Variants in PRRC2C observed in about 807,000 individuals in gnomAD.
The protein encoded by PRRC2C is proline rich coiled-coil 2C, also known as protein PRRC2C.
A neutral mutation model predicts 317.2 loss-of-function variants in PRRC2C; 72 were observed. That is an observed-to-expected ratio of 0.23 (90% CI 0.19 to 0.28). The LOEUF is 0.28. Among genes scored for constraint, PRRC2C ranks in the 10% least tolerant of loss-of-function variants. The probability of loss-of-function intolerance (pLI) is 1.00; values close to 1 mark genes in which losing one functional copy is unlikely to be tolerated. For synonymous variants in PRRC2C, 1,296 were observed against 1,205.9 expected, an observed-to-expected ratio of 1.07 and a Z score of -1.55; for missense variants, 3,074 against 3,459.7, an observed-to-expected ratio of 0.89 and a Z score of 2.80.
At chr1:171,552,849 G>T (rs746868419) in intron 18 of PRRC2C, among the ~76,000 whole-genome samples, 1 of 152,148 alleles carries the variant, frequency 6.6e-6, no homozygotes, top group African/African-American at 2.4e-5. Flanking sequence ...CTGATGTGCT[G>T]CTGGATTTGG....
At position 171,592,831 on chromosome 1, in the gene PRRC2C, C is replaced by T. The variant is rs1166355600; in HGVS notation, c.*984C>T. ...TCTTTACAGAGCTGTGTCATGCCAT[C>T]CTTTGGGCCCTCTGCTGGAAAAGTA... is the stretch of plus-strand genomic sequence containing the variant. On this transcript the variant is annotated 3_prime_UTR_variant, in exon 35 of 35. Transcript: ENST00000647382. 1.3e-5 allele frequency: 2 copies of T among 152,076 alleles called. No individual in the cohort carries two copies. The highest frequency in any genetic ancestry group is 4.1e-4 in the South Asian group (2 of 4,830). The allele number at this position is 152,076 out of a possible 1,614,324, so 9.4% of individuals were successfully genotyped here. A position where few individuals can be genotyped will look rare whatever the true frequency, so the allele number is the denominator to read the frequency against.
intron 6 of PRRC2C, among the ~76,000 whole-genome samples, chr1:171,521,766 T>C (rs1013190271): frequency 5.9e-5 from 9 of 152,250 alleles, no homozygotes; most frequent in Admixed American, 3.3e-4. Flanking sequence ...TGCCGTTTGC[T>C]AGGGTGCATG....
intron 30 of PRRC2C, 57 bp downstream of exon 30, chr1:171,584,583 T>C: frequency 6.7e-7 from 1 of 1,489,684 alleles, no homozygotes; most frequent in Non-Finnish European, 9.0e-7. Flanking sequence ...TTTATTGCTT[T>C]TGTTATTGTT....
chr1:171,591,082 G>A, intron 34 of PRRC2C: 3 of 692,102 alleles, frequency 4.3e-6, no homozygotes, highest in Non-Finnish European at 5.3e-6. Context: ...TCAGAATGTG[G>A]TAGGAGCTAT....
chr1:171,514,862 G>A (rs541725996), intron 4 of PRRC2C, among the ~76,000 whole-genome samples: 11 of 152,332 alleles, frequency 7.2e-5, no homozygotes, highest in African/African-American at 2.6e-4. Flanking sequence ...AAGGAAAGGA[G>A]TCTTTAAGAT....
intron 19 of PRRC2C, among the ~76,000 whole-genome samples, chr1:171,558,378 T>TTG (rs1553235973): frequency 6.6e-6 from 1 of 150,726 alleles, no homozygotes; most frequent in African/African-American, 2.5e-5. Flanking sequence ...AGGCAATGTT[T>TTG]GGGGGGGTCT....
chr1:171,579,400 C>T lies in PRRC2C; in HGVS notation c.7206C>T (p.Thr2402=). 1 of 1,613,942 alleles carries T rather than the reference C, an allele frequency of 6.2e-7. No individual in the cohort carries two copies. The highest frequency in any genetic ancestry group is 8.5e-7 in the Non-Finnish European group (1 of 1,179,866). ...FYMDTSHLFN[T]QHARLAPPSL... is the part of the protein sequence containing the mutation. ...TGGACACAAGTCATTTATTCAATAC[C>T]CAACATGCACGATTGGCTCCGCCAT... Residue 2402 remains threonine, a synonymous_variant, in exon 27 of 35, where the codon ACC becomes ACT. Coordinates refer to ENST00000647382, the MANE Select transcript of PRRC2C (RefSeq NM_001387844.1).
At chr1:171,491,935 G>A (rs1202125007) in intron 1 of PRRC2C, among the ~76,000 whole-genome samples, 2 of 152,062 alleles carry the variant, frequency 1.3e-5, no homozygotes. Flanking sequence ...TATAATTAAA[G>A]CTATATAAAT....
At chr1:171,515,966 G>A (rs1403573007) in intron 5 of PRRC2C, 107 bp downstream of exon 5, 3 of 1,267,864 alleles carry the variant, frequency 2.4e-6, no homozygotes, top group East Asian at 5.0e-5. Context: ...CTTCGAAAAG[G>A]CAGACTTTGT....
intron 18 of PRRC2C, among the ~76,000 whole-genome samples, chr1:171,553,889 A>C (rs967249517): frequency 6.6e-6 from 1 of 152,154 alleles, no homozygotes; most frequent in Admixed American, 6.5e-5. Context: ...ACTTCCAACT[A>C]TTTGGTCAGT....
intron 1 of PRRC2C, among the ~76,000 whole-genome samples, chr1:171,499,887 A>G (rs559842266): frequency 1.3e-5 from 2 of 152,350 alleles, no homozygotes; most frequent in Admixed American, 1.3e-4. Flanking sequence ...ATGGAAACCA[A>G]AGAAAATGGT....
At chr1:171,560,895 G>A (rs1682555843) in intron 19 of PRRC2C, 123 bp from the exon 20 acceptor site, 9 of 799,772 alleles carry the variant, frequency 1.1e-5, no homozygotes, top group Non-Finnish European at 2.0e-5. Flanking sequence ...GATTTGAAAA[G>A]TGATTGTTTT....
intron 12 of PRRC2C, among the ~76,000 whole-genome samples, chr1:171,534,110 C>T (rs905088768): frequency 6.6e-6 from 1 of 152,040 alleles, no homozygotes; most frequent in Admixed American, 6.6e-5. Context: ...TGCAGGGTTA[C>T]CTTCAAACTT....
chr1:171,576,194 C>T (rs1179719860), intron 25 of PRRC2C, among the ~76,000 whole-genome samples: 1 of 152,166 alleles, frequency 6.6e-6, no homozygotes, highest in Non-Finnish European at 1.5e-5. Flanking sequence ...CCCCAGTCCA[C>T]TTTGGGATGG....
rs554700023 is a variant in PRRC2C at position 171,543,952 on chromosome 1, G to A, written c.4764-1527G>A. ...TGGCTTTTATAACAGACCCGTTCATGGTAACTAACCAACTCCCTTGATAAC... is the reference window on the plus strand; with the variant it reads ...TGGCTTTTATAACAGACCCGTTCATAGTAACTAACCAACTCCCTTGATAAC... On this transcript the variant is annotated intron_variant, in intron 16 of 34. Coordinates refer to ENST00000647382, the MANE Select transcript of PRRC2C (RefSeq NM_001387844.1). Among the ~76,000 whole-genome samples, 6 of 152,146 alleles carry A rather than the reference G, an allele frequency of 3.9e-5. No homozygotes were observed. In the East Asian group the frequency reaches 1.2e-3, roughly 29 times the overall value.
chr1:171,540,949 T>G lies in PRRC2C; in HGVS notation c.3483T>G (p.Val1161=). 6.2e-7 allele frequency: 1 copy of G among 1,613,808 alleles called. No homozygotes were observed. The highest frequency in any genetic ancestry group is 1.7e-5 in the Admixed American group (1 of 60,006). ...ERPRPDSRPA[V]KKESTLPPRT... The stretch of plus-strand genomic sequence containing the variant: ...CTCGACCAGATTCAAGACCAGCAGT[T>G]AAAAAAGAATCAACTTTGCCTCCCA... Residue 1161 remains valine, a synonymous_variant, in exon 16 of 35, where the codon GTT becomes GTG. Coordinates refer to ENST00000647382, the MANE Select transcript of PRRC2C (RefSeq NM_001387844.1).
intron 1 of PRRC2C, chr1:171,511,338 A>G (rs1426125310): frequency 1.3e-5 from 2 of 152,232 alleles, no homozygotes; most frequent in African/African-American, 4.8e-5. Flanking sequence ...ATGAGGGTAC[A>G]TTAGCTCTAA....
chr1:171,504,991 C>T (rs1233504418), intron 1 of PRRC2C, among the ~76,000 whole-genome samples: 2 of 150,684 alleles, frequency 1.3e-5, no homozygotes, highest in African/African-American at 4.9e-5. Context: ...GTAGGTCTTA[C>T]GTATCTTTTG....
At chr1:171,558,497 A>C (rs1681894182) in intron 19 of PRRC2C, among the ~76,000 whole-genome samples, 1 of 152,160 alleles carries the variant, frequency 6.6e-6, no homozygotes, top group South Asian at 2.1e-4. Context: ...TTCCAACAGC[A>C]TGTGGTCATT....
Sources: gnomAD v4.1 joint callset for allele counts (sites outside exome capture counted in the v4.1 genomes callset) on GRCh38, gnomAD v4.1.1 for gene constraint, MANE v1.5 for transcripts, NCBI Gene and HGNC (gene_info 2026-07-23, HGNC 2026-07-21) for gene names.